The following ME3 variants were observed in gnomAD, a reference collection of about 807,000 sequenced individuals.
The protein encoded by ME3 is NADP-dependent malic enzyme, mitochondrial.
Under a neutral mutation model 68.9 loss-of-function variants are expected in ME3, and 48 were observed. The ratio of observed to expected loss-of-function variants is 0.70; its 90% CI spans 0.55 to 0.89. ME3 has a LOEUF of 0.89. ME3 is among the 40% of genes least tolerant of loss of function. The pLI is 0.00. For missense variants in ME3, 675 were observed against 797.4 expected, an observed-to-expected ratio of 0.85 and a Z score of 1.85; for synonymous variants, 320 against 318.8, an observed-to-expected ratio of 1.00 and a Z score of -0.04.
intron 2 of ME3, among the ~76,000 whole-genome samples, chr11:86,609,047 G>T (rs916753859): frequency 1.3e-5 from 2 of 152,166 alleles, no homozygotes; most frequent in African/African-American, 4.8e-5. Flanking sequence ...CTTTTAGATA[G>T]ATTCTATAGT....
At chr11:86,628,652 C>G (rs970065689) in intron 2 of ME3, among the ~76,000 whole-genome samples, 11 of 152,148 alleles carry the variant, frequency 7.2e-5, no homozygotes, top group African/African-American at 2.4e-4. Flanking sequence ...TCAGTCTTAC[C>G]TGGAAGCCCT....
intron 5 of ME3, among the ~76,000 whole-genome samples, chr11:86,504,625 C>T (rs1191233516): frequency 6.6e-6 from 1 of 151,952 alleles, no homozygotes; most frequent in African/African-American, 2.4e-5. Flanking sequence ...AACTCCTGAC[C>T]TCAGGTGATC....
At chr11:86,614,575 C>T (rs1942822457) in intron 2 of ME3, among the ~76,000 whole-genome samples, 1 of 152,124 alleles carries the variant, frequency 6.6e-6, no homozygotes, top group African/African-American at 2.4e-5. Flanking sequence ...CTCTGAGGGA[C>T]CCAGGTCTCC....
At chr11:86,627,240 T>C (rs1176547847) in intron 2 of ME3, among the ~76,000 whole-genome samples, 1 of 152,200 alleles carries the variant, frequency 6.6e-6, no homozygotes, top group Non-Finnish European at 1.5e-5. Context: ...AATACCTTTA[T>C]GGGTAAAATA....
intron 2 of ME3, among the ~76,000 whole-genome samples, chr11:86,601,369 C>G (rs1412763028): frequency 6.6e-6 from 1 of 152,188 alleles, no homozygotes; most frequent in African/African-American, 2.4e-5. Flanking sequence ...TGGATAAATT[C>G]CTGGACACAT....
Position 86,618,073 on chromosome 11 carries a change from C to G in ME3, c.183+53689G>C, listed in dbSNP as rs191929623. Among the ~76,000 whole-genome samples, 187 of 152,006 alleles carry G rather than the reference C, an allele frequency of 1.2e-3. 2 individuals are homozygous for G. Among genetic ancestry groups the G allele is most frequent in the African/African-American group, 4.4e-3 (182 of 41,498 alleles). On this transcript the variant is annotated intron_variant, in intron 2 of 14. Transcript: ENST00000543262. ...CATCGCTCTGGGAGGCCAAGTTGGG[C>G]AGATTGCCTGAGTCCAGGAGTTCCA...
At chr11:86,469,510 G>C (rs1239854963) in intron 7 of ME3, among the ~76,000 whole-genome samples, 2 of 152,200 alleles carry the variant, frequency 1.3e-5, no homozygotes, top group African/African-American at 4.8e-5. Flanking sequence ...AGGGCTCTGG[G>C]CAGCTTCCCG....
chr11:86,607,673 A>C (rs1961905977), intron 2 of ME3, among the ~76,000 whole-genome samples: 1 of 146,650 alleles, frequency 6.8e-6, no homozygotes, highest in African/African-American at 2.5e-5. Context: ...CCAATAGATC[A>C]CATCTAGAGA....
At chr11:86,669,400 C>T (rs1946776806) in intron 2 of ME3, among the ~76,000 whole-genome samples, 1 of 152,158 alleles carries the variant, frequency 6.6e-6, no homozygotes. Context: ...ATACCCAAGA[C>T]TGGGTAATTG....
intron 2 of ME3, among the ~76,000 whole-genome samples, chr11:86,589,317 A>C (rs1375895239): frequency 6.6e-6 from 1 of 152,020 alleles, no homozygotes; most frequent in Non-Finnish European, 1.5e-5. Flanking sequence ...CCTGGCTTGT[A>C]GTAGGAGCTA....
At chr11:86,556,636 G>A (rs4943943) in exon 4 of ME3, 458,613 of 1,613,686 alleles carry the variant, frequency 0.28, 69,065 homozygotes, top group Non-Finnish European at 0.31. Context: ...ACTTCTCCAC[G>A]TCCGAAGTCA....
chr11:86,581,210 TTGTGTGTGTA>T (rs907604607), intron 2 of ME3, among the ~76,000 whole-genome samples: 1 of 152,190 alleles, frequency 6.6e-6, no homozygotes, highest in African/African-American at 2.4e-5. Flanking sequence ...AAACTTTTGC[TTGTGTGTGTA>T]TGTGTGTGTA....
At position 86,670,491 on chromosome 11, in the gene ME3, T is replaced by C. The variant is rs558285746; in HGVS notation, c.183+1271A>G. On this transcript the variant is annotated intron_variant, in intron 2 of 14. Transcript: ENST00000543262. Reference sequence around the variant, plus strand: ...AAGCCAGTTTGTATTTTCTAACGCTTACTAGCAAAGTAATTCAAGGTGATA... The same window carrying C: ...AAGCCAGTTTGTATTTTCTAACGCTCACTAGCAAAGTAATTCAAGGTGATA... Among the ~76,000 whole-genome samples the C allele has an allele frequency of 3.2e-4, 49 of 152,350 alleles. 1 individual carries two copies. In the South Asian group the frequency reaches 0.01, roughly 32 times the overall value.
At chr11:86,442,948 T>C in intron 13 of ME3, 29 bp from the exon 14 acceptor site, 1 of 1,566,404 alleles carries the variant, frequency 6.4e-7, no homozygotes. Context: ...CCGAGAGGAA[T>C]AAGCTGAGTC....
At chr11:86,647,255 G>A (rs1239117064) in intron 2 of ME3, among the ~76,000 whole-genome samples, 1 of 152,134 alleles carries the variant, frequency 6.6e-6, no homozygotes, top group Admixed American at 6.5e-5. Flanking sequence ...ACACAGACTG[G>A]CAAATTGGAT....
intron 2 of ME3, among the ~76,000 whole-genome samples, chr11:86,669,247 T>C (rs1946765600): frequency 6.6e-6 from 1 of 152,206 alleles, no homozygotes; most frequent in Admixed American, 6.5e-5. Flanking sequence ...TCAGCCTCCT[T>C]CTAGATACCC....
At chr11:86,611,277 A>C (rs754972797) in intron 2 of ME3, among the ~76,000 whole-genome samples, 11 of 152,100 alleles carry the variant, frequency 7.2e-5, no homozygotes, top group Non-Finnish European at 1.2e-4. Flanking sequence ...AAAGGGTATA[A>C]ATTTTTAATT....
chr11:86,563,556 G>A (rs560859088), intron 2 of ME3, among the ~76,000 whole-genome samples: 2 of 152,128 alleles, frequency 1.3e-5, no homozygotes, highest in East Asian at 3.9e-4. Context: ...TTCTTATGTT[G>A]TCTTTGAGGA....
Position 86,603,862 on chromosome 11 carries a change from G to A in ME3, c.184-44039C>T, listed in dbSNP as rs1362736251. 4.8e-5 allele frequency among the ~76,000 whole-genome samples: 7 copies of A among 145,494 alleles called. No homozygotes were observed. The East Asian group carries it at 6.2e-4, about 13-fold the overall frequency. Reference sequence around the variant, plus strand: ...TCACAAGGACAAAAAACCAAGCACCGCATGTTCTCACTCATAGATGGGAAT... The same window carrying A: ...TCACAAGGACAAAAAACCAAGCACCACATGTTCTCACTCATAGATGGGAAT... On this transcript the variant is annotated intron_variant, in intron 2 of 14. Transcript: ENST00000543262.
Sources: allele counts gnomAD v4.1 joint callset (sites outside exome capture counted in the v4.1 genomes callset), GRCh38; gene constraint gnomAD v4.1.1; transcripts MANE v1.5; gene names NCBI Gene and HGNC (gene_info 2026-07-23, HGNC 2026-07-21).